Variants in PAN3 observed in about 807,000 individuals in gnomAD.
The protein encoded by PAN3 is poly(A) specific ribonuclease subunit PAN3.
PAN3 carries 19 observed loss-of-function variants against 96.2 expected under a neutral mutation model. The ratio of observed to expected loss-of-function variants is 0.20; its 90% CI spans 0.14 to 0.29. PAN3 has a LOEUF of 0.29. PAN3 is among the 10% of genes least tolerant of loss of function. PAN3 has a pLI of 1.00. For synonymous variants in PAN3, 433 were observed against 406.6 expected (o/e 1.06, Z -0.78); for missense variants, 882 against 1,108.1 (o/e 0.80, Z 2.90).
chr13:28,172,140 G>A (rs1005501423), intron 1 of PAN3, among the ~76,000 whole-genome samples: 4 of 152,204 alleles, frequency 2.6e-5, no homozygotes, highest in Admixed American at 6.5e-5. Context: ...TATTTCTTTC[G>A]CAGTGTCACA....
intron 1 of PAN3, among the ~76,000 whole-genome samples, chr13:28,163,523 C>T (rs976929070): frequency 1.3e-5 from 2 of 152,116 alleles, no homozygotes; most frequent in Non-Finnish European, 2.9e-5. Context: ...GGTATTTAAC[C>T]TCTTTTTTCA....
At chr13:28,168,254 A>G (rs1220156649) in intron 1 of PAN3, among the ~76,000 whole-genome samples, 1 of 152,162 alleles carries the variant, frequency 6.6e-6, no homozygotes, top group Non-Finnish European at 1.5e-5. Context: ...CATTATACCT[A>G]CTCGCTGAGC....
chr13:28,217,001 C>T (rs929597955), intron 5 of PAN3, among the ~76,000 whole-genome samples: 1 of 151,708 alleles, frequency 6.6e-6, no homozygotes, highest in Middle Eastern at 3.2e-3. Flanking sequence ...GTAATCCCAG[C>T]TACTCTGGAG....
intron 6 of PAN3, among the ~76,000 whole-genome samples, chr13:28,227,570 G>T (rs566551191): frequency 6.6e-6 from 1 of 152,084 alleles, no homozygotes; most frequent in South Asian, 2.1e-4. Context: ...TCAGCATACC[G>T]CTTGGTTTCT....
chr13:28,229,373 T>A (rs964108598), intron 6 of PAN3, among the ~76,000 whole-genome samples: 8 of 152,190 alleles, frequency 5.3e-5, no homozygotes, highest in African/African-American at 1.9e-4. Context: ...TTGTCAGAAC[T>A]TTATATTTTC....
chr13:28,161,690 A>T (rs1414056122), intron 1 of PAN3, among the ~76,000 whole-genome samples: 1 of 152,200 alleles, frequency 6.6e-6, no homozygotes, highest in African/African-American at 2.4e-5. Flanking sequence ...TAGAGAATTG[A>T]GAATTTGAAC....
intron 15 of PAN3, 140 bp downstream of exon 15, chr13:28,277,516 A>G (rs1887162070): frequency 4.8e-6 from 4 of 830,300 alleles, no homozygotes; most frequent in South Asian, 1.9e-5. Context: ...TTTTATTGCA[A>G]AGTAAATATT....
chr13:28,241,309 G>A (rs1291926363), intron 6 of PAN3, among the ~76,000 whole-genome samples: 1 of 152,200 alleles, frequency 6.6e-6, no homozygotes, highest in Non-Finnish European at 1.5e-5. Flanking sequence ...TTCAACAGAA[G>A]GCTGTACTTG....
chr13:28,292,132 A>G (rs1174273614), intron 18 of PAN3, among the ~76,000 whole-genome samples: 1 of 152,204 alleles, frequency 6.6e-6, no homozygotes, highest in African/African-American at 2.4e-5. Flanking sequence ...ATTATGGAGC[A>G]TCAACTGGGT....
intron 4 of PAN3, among the ~76,000 whole-genome samples, chr13:28,186,306 G>A (rs932666345): frequency 1.3e-5 from 2 of 152,188 alleles, no homozygotes; most frequent in African/African-American, 4.8e-5. Flanking sequence ...TTGGATATGA[G>A]ATGTTATAGT....
chr13:28,205,849 A>C (rs1352404206), intron 5 of PAN3, among the ~76,000 whole-genome samples: 2 of 151,536 alleles, frequency 1.3e-5, no homozygotes. Context: ...CGAAAACAAA[A>C]AAACTGTTTC....
intron 6 of PAN3, among the ~76,000 whole-genome samples, chr13:28,255,800 A>C (rs1330933301): frequency 6.6e-6 from 1 of 152,038 alleles, no homozygotes; most frequent in African/African-American, 2.4e-5. Flanking sequence ...GCTGAATGAA[A>C]TCTAGTAGCT....
intron 7 of PAN3, among the ~76,000 whole-genome samples, chr13:28,257,690 AAATATATATTATATATATTATATATAATT>A (rs1566234742): frequency 2.2e-5 from 3 of 138,774 alleles, no homozygotes; most frequent in South Asian, 2.1e-4. Context: ...TAAATTATAT[AAATATATATTATATATATTATATATAATT>A]AATATATATT....
intron 1 of PAN3, among the ~76,000 whole-genome samples, chr13:28,145,302 GT>G (rs1206429653): frequency 1.3e-5 from 2 of 151,910 alleles, no homozygotes; most frequent in Non-Finnish European, 2.9e-5. Context: ...TAACTTAATG[GT>G]TTGGCTTTCA....
At chr13:28,255,610 T>C (rs1201706734) in intron 6 of PAN3, among the ~76,000 whole-genome samples, 1 of 152,172 alleles carries the variant, frequency 6.6e-6, no homozygotes, top group African/African-American at 2.4e-5. Context: ...ATGGTATCAA[T>C]TGGCCTAATT....
intron 5 of PAN3, among the ~76,000 whole-genome samples, chr13:28,209,609 C>A (rs1382254730): frequency 6.6e-6 from 1 of 151,978 alleles, no homozygotes; most frequent in Non-Finnish European, 1.5e-5. Context: ...TTTTAAAATA[C>A]TATAATAAAA....
At chr13:28,182,585 T>C (rs1875938690) in intron 4 of PAN3, among the ~76,000 whole-genome samples, 1 of 151,946 alleles carries the variant, frequency 6.6e-6, no homozygotes, top group South Asian at 2.1e-4. Context: ...GCAAAGACTT[T>C]TGAAGTATCA....
chr13:28,272,849 A>G (rs995409000), intron 14 of PAN3, among the ~76,000 whole-genome samples: 32 of 152,302 alleles, frequency 2.1e-4, no homozygotes, highest in African/African-American at 6.3e-4. Flanking sequence ...GATTACAGGC[A>G]TGAGCCACTG....
intron 5 of PAN3, among the ~76,000 whole-genome samples, chr13:28,208,358 A>G (rs1879617141): frequency 6.6e-6 from 1 of 152,194 alleles, no homozygotes; most frequent in African/African-American, 2.4e-5. Flanking sequence ...GACCTAAGTA[A>G]ACATTTTTCC....
Sources: gnomAD v4.1 joint callset for allele counts (sites outside exome capture counted in the v4.1 genomes callset) on GRCh38, gnomAD v4.1.1 for gene constraint, MANE v1.5 for transcripts, NCBI Gene and HGNC (gene_info 2026-07-23, HGNC 2026-07-21) for gene names.